PAFAH2: variants seen among roughly 807,000 people sequenced by gnomAD.
PAFAH2 encodes the protein platelet activating factor acetylhydrolase 2.
A neutral mutation model predicts 49.0 loss-of-function variants in PAFAH2; 42 were observed. The ratio of observed to expected loss-of-function variants is 0.86; its 90% CI spans 0.67 to 1.11. PAFAH2 has a LOEUF of 1.11. Ranked by LOEUF, PAFAH2 falls within the 50% of genes least tolerant of loss-of-function variation. The probability of loss-of-function intolerance (pLI) is 0.00; values close to 1 mark genes in which losing one functional copy is unlikely to be tolerated. For missense variants in PAFAH2, 503 were observed against 501.8 expected, an observed-to-expected ratio of 1.00 and a Z score of -0.02; for synonymous variants, 184 against 181.3, an observed-to-expected ratio of 1.01 and a Z score of -0.12.
At position 25,974,581 on chromosome 1, in the gene PAFAH2, A is replaced by G; in HGVS notation, c.828T>C (p.Pro276=). The change falls in exon 9 of 11, where the codon CCT becomes CCC. Residue 276 remains proline (P), a synonymous_variant. Transcript: ENST00000374282. Reference sequence around the variant, plus strand: ...ATTTCTCAGTATTGATAAAGAACACAGGTCCTCGGGCCTTGGGGTAAAAGT... The same window carrying G: ...ATTTCTCAGTATTGATAAAGAACACGGGTCCTCGGGCCTTGGGGTAAAAGT... The part of the protein sequence containing the change: ...ERDFYPKARG[P]VFFINTEKFQ... 6.2e-7 allele frequency: 1 copy of G among 1,614,138 alleles called. No homozygotes were observed.
intron 10 of PAFAH2, among the ~76,000 whole-genome samples, chr1:25,965,536 C>A (rs181911253): frequency 6.6e-6 from 1 of 152,094 alleles, no homozygotes; most frequent in Non-Finnish European, 1.5e-5. Flanking sequence ...TAAGGAAAGG[C>A]TGGGCATGGT....
At chr1:25,996,877 G>A (rs2124377551) in intron 1 of PAFAH2, among the ~76,000 whole-genome samples, 1 of 152,326 alleles carries the variant, frequency 6.6e-6, no homozygotes, top group East Asian at 1.9e-4. Flanking sequence ...ACAATGCTAT[G>A]TCTCTCTTTC....
chr1:25,993,430 G>A (rs142974847), intron 1 of PAFAH2, among the ~76,000 whole-genome samples: 8 of 152,030 alleles, frequency 5.3e-5, no homozygotes, highest in Admixed American at 5.2e-4. Context: ...ACCAAGGTCC[G>A]GAGAGATTAA....
At chr1:25,986,476 G>C (rs1442524976) in intron 4 of PAFAH2, among the ~76,000 whole-genome samples, 1 of 152,178 alleles carries the variant, frequency 6.6e-6, no homozygotes, top group Non-Finnish European at 1.5e-5. Flanking sequence ...ACTTTGTCTT[G>C]GACCTGCATT....
At chr1:25,984,205 A>G in intron 5 of PAFAH2, 118 bp from the exon 6 acceptor site, 1 of 1,224,436 alleles carries the variant, frequency 8.2e-7, no homozygotes, top group Non-Finnish European at 1.2e-6. Context: ...CTAGTAGGGA[A>G]GGAGATCTGG....
At chr1:25,982,295 G>C in intron 7 of PAFAH2, 69 bp downstream of exon 7, 1 of 1,137,736 alleles carries the variant, frequency 8.8e-7, no homozygotes, top group Non-Finnish European at 1.3e-6. Context: ...CAGTTAGTTA[G>C]GTTTCTGTTA....
chr1:25,984,474 A>G lies in PAFAH2; in HGVS notation c.396T>C (p.Ala132=), dbSNP rs1240408922. ...MELASRGFVV[A]VPEHRDRSAA... is the part of the protein sequence containing the mutation. ...TCATCCCTCACCTGTGCTCTGGCACAGCAACCACAAAGCCACGTGAGGCCA... is the reference window on the plus strand; with the variant it reads ...TCATCCCTCACCTGTGCTCTGGCACGGCAACCACAAAGCCACGTGAGGCCA... The change falls in exon 5 of 11, where the codon GCT becomes GCC. Residue 132 remains alanine, a synonymous_variant. Coordinates refer to ENST00000374282, the MANE Select transcript of PAFAH2 (RefSeq NM_000437.4). The G allele has an allele frequency of 6.2e-7, 1 of 1,613,620 alleles. No individual in the cohort carries two copies. Among genetic ancestry groups the G allele is most frequent in the Non-Finnish European group, 8.5e-7 (1 of 1,179,686 alleles).
intron 10 of PAFAH2, among the ~76,000 whole-genome samples, chr1:25,965,483 T>G (rs2049405558): frequency 6.6e-6 from 1 of 152,114 alleles, no homozygotes; most frequent in South Asian, 2.1e-4. Context: ...AAGAAAATAT[T>G]TCTGAACTAT....
intron 1 of PAFAH2, 135 bp from the exon 2 acceptor site, chr1:25,990,998 C>T (rs2049864949): frequency 2.3e-5 from 13 of 561,802 alleles, no homozygotes. Flanking sequence ...TTAAATCTTG[C>T]ACCTACTACT....
chr1:25,963,707 C>T (rs775101130), intron 10 of PAFAH2, among the ~76,000 whole-genome samples: 7 of 152,154 alleles, frequency 4.6e-5, no homozygotes, highest in Admixed American at 4.6e-4. Context: ...TTCACCATGT[C>T]GGCCAGGACG....
intron 3 of PAFAH2, among the ~76,000 whole-genome samples, chr1:25,988,663 C>T (rs917404261): frequency 2.0e-5 from 3 of 151,764 alleles, no homozygotes; most frequent in East Asian, 1.9e-4. Context: ...ATTAGCTGGG[C>T]GTGGTGGCGG....
At chr1:25,985,510 T>C (rs890385247) in intron 4 of PAFAH2, among the ~76,000 whole-genome samples, 3 of 152,330 alleles carry the variant, frequency 2.0e-5, no homozygotes, top group African/African-American at 7.2e-5. Context: ...CCAGGTCTAA[T>C]GAAGTGTGAA....
chr1:25,981,970 A>G (rs976537771), intron 7 of PAFAH2, among the ~76,000 whole-genome samples: 6 of 152,110 alleles, frequency 3.9e-5, no homozygotes, highest in Non-Finnish European at 8.8e-5. Context: ...GCAGTAAGCC[A>G]AGATTGTGCC....
chr1:25,979,316 T>C (rs1307334074), intron 7 of PAFAH2, among the ~76,000 whole-genome samples: 2 of 77,768 alleles, frequency 2.6e-5, no homozygotes, highest in African/African-American at 5.5e-5. Flanking sequence ...CATTTACCAA[T>C]GCCTTTTTTT....
At chr1:25,981,953 G>A (rs755824601) in intron 7 of PAFAH2, among the ~76,000 whole-genome samples, 28 of 151,952 alleles carry the variant, frequency 1.8e-4, no homozygotes, top group Non-Finnish European at 3.4e-4. Context: ...CCCGGGAGGC[G>A]GAGGTTGCAG....
chr1:25,974,777 C>G, intron 8 of PAFAH2, 127 bp from the exon 9 acceptor site: 1 of 733,300 alleles, frequency 1.4e-6, no homozygotes, highest in South Asian at 2.0e-5. Flanking sequence ...GAGGGGGGTA[C>G]CAGGGCCCAC....
chr1:25,996,599 G>A (rs1214627215), intron 1 of PAFAH2, among the ~76,000 whole-genome samples: 4 of 152,042 alleles, frequency 2.6e-5, no homozygotes. Flanking sequence ...CCGAGATCGC[G>A]CTACTGCACT....
At chr1:25,981,850 G>A (rs1006048267) in intron 7 of PAFAH2, among the ~76,000 whole-genome samples, 23 of 152,112 alleles carry the variant, frequency 1.5e-4, no homozygotes, top group Non-Finnish European at 2.5e-4. Flanking sequence ...GTGAAACCCC[G>A]TCTCTAGTAA....
At chr1:25,997,797 C>T (rs550042293) in intron 1 of PAFAH2, among the ~76,000 whole-genome samples, 17 of 152,028 alleles carry the variant, frequency 1.1e-4, no homozygotes, top group Admixed American at 5.9e-4. Context: ...GGTCCTGGGA[C>T]GGGAGCTCAG....
Sources: allele counts gnomAD v4.1 joint callset (sites outside exome capture counted in the v4.1 genomes callset), GRCh38; gene constraint gnomAD v4.1.1; transcripts MANE v1.5; gene names NCBI Gene and HGNC (gene_info 2026-07-23, HGNC 2026-07-21).